ERGIC1: variants seen among roughly 807,000 people sequenced by gnomAD.
ERGIC1 encodes endoplasmic reticulum-golgi intermediate compartment 1, also known as endoplasmic reticulum-Golgi intermediate compartment protein 1.
ERGIC1 carries 19 observed loss-of-function variants against 38.3 expected under a neutral mutation model. The ratio of observed to expected loss-of-function variants is 0.50; its 90% CI spans 0.35 to 0.73. The LOEUF (loss-of-function observed/expected upper bound fraction) is 0.73, where lower values mean the gene tolerates loss of function less well. ERGIC1 is among the 30% of genes least tolerant of loss of function. ERGIC1 has a pLI of 0.01. For missense variants in ERGIC1, 294 were observed against 389.2 expected, an observed-to-expected ratio of 0.76 and a Z score of 2.06; for synonymous variants, 124 against 157.6, an observed-to-expected ratio of 0.79 and a Z score of 1.60.
At chr5:172,888,043 C>T (rs758560871) in intron 1 of ERGIC1, among the ~76,000 whole-genome samples, 1 of 152,210 alleles carries the variant, frequency 6.6e-6, no homozygotes, top group South Asian at 2.1e-4. Context: ...GGGTTCCATA[C>T]ATTCCATAAT....
intron 3 of ERGIC1, chr5:172,905,341 G>A (rs986271764): frequency 2.5e-6 from 1 of 407,750 alleles, no homozygotes; most frequent in Non-Finnish European, 5.4e-6. Flanking sequence ...TAGAAATTGG[G>A]TGCTGAAGGC....
In ERGIC1 at chr5:172,926,441, C is replaced by A; in HGVS notation, c.481-68C>A. ...GACCAGGTGGTACCTGGCCATCCCC[C>A]ACAACCAGGGCCAGGCCTGGAGGTG... On this transcript the variant is annotated intron_variant, in intron 6 of 9. Coordinates refer to ENST00000393784, the MANE Select transcript of ERGIC1 (RefSeq NM_001031711.3). This position sits in a 1 kb window ranked among gnomAD's most constrained non-coding sequence, Gnocchi z 5.2. 4 of 1,588,390 alleles carry A rather than the reference C, an allele frequency of 2.5e-6. No homozygotes were observed. Among genetic ancestry groups the A allele is most frequent in the South Asian group, 1.1e-5 (1 of 90,552 alleles).
intron 2 of ERGIC1, among the ~76,000 whole-genome samples, chr5:172,891,682 C>T (rs994950119): frequency 1.3e-5 from 2 of 152,138 alleles, no homozygotes; most frequent in Non-Finnish European, 2.9e-5. Flanking sequence ...TCAAGTGATC[C>T]GCCTGCCTCG....
At chr5:172,868,007 G>C (rs793025) in intron 1 of ERGIC1, among the ~76,000 whole-genome samples, 114,864 of 152,138 alleles carry the variant, frequency 0.75, 44,079 homozygotes, top group Non-Finnish European at 0.83. Flanking sequence ...CGAAAGCTGG[G>C]TTGTCTCTAC....
At chr5:172,947,869 A>AT (rs1461729188) in intron 9 of ERGIC1, among the ~76,000 whole-genome samples, 1 of 126,134 alleles carries the variant, frequency 7.9e-6, no homozygotes, top group Non-Finnish European at 1.6e-5. Flanking sequence ...ATGAATACAG[A>AT]TGTGTTTTGT....
At chr5:172,882,959 G>A (rs1286141294) in intron 1 of ERGIC1, among the ~76,000 whole-genome samples, 2 of 152,062 alleles carry the variant, frequency 1.3e-5, no homozygotes, top group Non-Finnish European at 2.9e-5. Flanking sequence ...AGAGATGGTG[G>A]TCTCACTCTT....
At position 172,871,626 on chromosome 5, in the gene ERGIC1, C is replaced by T. The variant is rs73803653; in HGVS notation, c.21-17073C>T. Among the ~76,000 whole-genome samples, 298 of 152,170 alleles carry T rather than the reference C, an allele frequency of 2.0e-3. 1 individual carries two copies. Among genetic ancestry groups the T allele is most frequent in the African/African-American group, 6.9e-3 (286 of 41,522 alleles). ...TCCGATGTGCTCCCAGCACCTAGAT[C>T]AGTGTGTGGTCCACAGTAAGCACTA... On this transcript the variant is annotated intron_variant, in intron 1 of 9. Transcript: ENST00000393784.
At chr5:172,839,179 T>G (rs1761097841) in intron 1 of ERGIC1, among the ~76,000 whole-genome samples, 1 of 148,024 alleles carries the variant, frequency 6.8e-6, no homozygotes, top group Admixed American at 6.8e-5. Flanking sequence ...AGACGGAGGT[T>G]GCAGTGAACT....
At position 172,912,645 on chromosome 5, in the gene ERGIC1, C is replaced by G. The variant is rs1763236100; in HGVS notation, c.251-2069C>G. Among the ~76,000 whole-genome samples the G allele has an allele frequency of 1.3e-5, 2 of 152,174 alleles. 1 individual carries two copies. Among genetic ancestry groups the G allele is most frequent in the South Asian group, 4.1e-4 (2 of 4,832 alleles). On this transcript the variant is annotated intron_variant, in intron 4 of 9. Coordinates refer to ENST00000393784, the MANE Select transcript of ERGIC1 (RefSeq NM_001031711.3). ...CTTGTGATCCACCCGCCTCAGCCTC[C>G]CAAAGTTCTGGGATTACAGGCGTGA... is the stretch of plus-strand genomic sequence containing the variant.
intron 5 of ERGIC1, chr5:172,915,343 T>C (rs903821953): frequency 6.4e-6 from 3 of 469,088 alleles, no homozygotes; most frequent in African/African-American, 5.9e-5. Context: ...GCAGCGTTCC[T>C]GGGCTGGTGG....
chr5:172,849,272 C>T (rs539453898), intron 1 of ERGIC1, among the ~76,000 whole-genome samples: 1 of 152,286 alleles, frequency 6.6e-6, no homozygotes, highest in South Asian at 2.1e-4. Context: ...ACTGTGCTCT[C>T]TCTAGCAAAC....
At chr5:172,901,126 C>T (rs1359101145) in intron 3 of ERGIC1, among the ~76,000 whole-genome samples, 1 of 152,208 alleles carries the variant, frequency 6.6e-6, no homozygotes, top group Non-Finnish European at 1.5e-5. Flanking sequence ...CCCCCTCCCG[C>T]CACCATGAGA....
intron 1 of ERGIC1, among the ~76,000 whole-genome samples, chr5:172,861,549 C>T (rs1449257822): frequency 6.6e-6 from 1 of 152,152 alleles, no homozygotes; most frequent in Admixed American, 6.6e-5. Flanking sequence ...ACCTCAGTTG[C>T]CTTATTTGTA....
Position 172,950,818 on chromosome 5 carries a change from G to A in ERGIC1, c.*2G>A, listed in dbSNP as rs758683945. The A allele has an allele frequency of 3.1e-5, 50 of 1,604,708 alleles. No individual in the cohort carries two copies. The East Asian group carries it at 6.5e-4, about 21-fold the overall frequency. On this transcript the variant is annotated 3_prime_UTR_variant, in exon 10 of 10. Coordinates refer to ENST00000393784, the MANE Select transcript of ERGIC1 (RefSeq NM_001031711.3). ...ATCCAGCTGGGCAAGATGCATTGAC[G>A]CCACACCCAGCCTAATGGCCGAGGA...
chr5:172,936,501 T>C (rs1293667828), intron 9 of ERGIC1: 1 of 152,272 alleles, frequency 6.6e-6, no homozygotes, highest in African/African-American at 2.4e-5. Context: ...TTGTGAGGAA[T>C]GAGGTTTCTC....
chr5:172,853,661 G>T (rs1761469359), intron 1 of ERGIC1, among the ~76,000 whole-genome samples: 1 of 152,246 alleles, frequency 6.6e-6, no homozygotes, highest in Non-Finnish European at 1.5e-5. Flanking sequence ...GGTGTTCTAA[G>T]CAGCCTCTCC....
intron 1 of ERGIC1, among the ~76,000 whole-genome samples, chr5:172,862,429 G>A (rs994252787): frequency 6.6e-6 from 1 of 151,820 alleles, no homozygotes; most frequent in Non-Finnish European, 1.5e-5. Context: ...ATGGGCATGT[G>A]TTTATAGAAA....
chr5:172,927,639 GC>G (rs1464628257), intron 7 of ERGIC1, among the ~76,000 whole-genome samples: 2 of 150,362 alleles, frequency 1.3e-5, no homozygotes, highest in African/African-American at 2.5e-5. Flanking sequence ...GAGTGCAGTG[GC>G]ACAGTCTCGG....
chr5:172,845,044 A>AGG (rs879845388), intron 1 of ERGIC1, among the ~76,000 whole-genome samples: 87,376 of 151,530 alleles, frequency 0.58, 28,241 homozygotes, highest in Non-Finnish European at 0.73. Flanking sequence ...AGGGGTATAT[A>AGG]GGGGGGACAG....
Sources: allele counts gnomAD v4.1 joint callset (sites outside exome capture counted in the v4.1 genomes callset), GRCh38; gene constraint gnomAD v4.1.1; non-coding constraint Gnocchi (gnomAD v3.1); transcripts MANE v1.5; gene names NCBI Gene and HGNC (gene_info 2026-07-23, HGNC 2026-07-21).